DNAH5: variants seen among roughly 807,000 people sequenced by gnomAD.
The protein encoded by DNAH5 is dynein axonemal heavy chain 5.
Under a neutral mutation model 518.2 loss-of-function variants are expected in DNAH5, and 372 were observed. The ratio of observed to expected loss-of-function variants is 0.72; its 90% CI spans 0.66 to 0.78. DNAH5 has a LOEUF of 0.78. DNAH5 is among the 30% of genes least tolerant of loss of function. The pLI is 0.00. For synonymous variants in DNAH5, 2,039 were observed against 2,025.9 expected, an observed-to-expected ratio of 1.01 and a Z score of -0.17; for missense variants, 5,523 against 5,687.0, an observed-to-expected ratio of 0.97 and a Z score of 0.93.
chr5:13,981,059 C>A (rs1272004724), intron 1 of DNAH5, among the ~76,000 whole-genome samples: 2 of 152,228 alleles, frequency 1.3e-5, no homozygotes, highest in Non-Finnish European at 2.9e-5. Context: ...CCACTCTCTG[C>A]AACCTTCTCC....
chr5:13,776,141 T>C (rs1254176607), intron 55 of DNAH5, among the ~76,000 whole-genome samples: 1 of 152,172 alleles, frequency 6.6e-6, no homozygotes, highest in Non-Finnish European at 1.5e-5. Flanking sequence ...GGTTAACATC[T>C]TTTGTCAAGG....
intron 78 of DNAH5, among the ~76,000 whole-genome samples, chr5:13,696,374 C>T (rs1373946): frequency 0.099 from 15,106 of 151,976 alleles, 1,284 homozygotes; most frequent in East Asian, 0.37. Context: ...GTGGCTTTAC[C>T]GTCTTGGTGA....
At position 13,769,622 on chromosome 5, in the gene DNAH5, T is replaced by C. The variant is rs1753043312; in HGVS notation, c.9606-7A>G. On this transcript the variant is annotated splice_polypyrimidine_tract_variant and splice_region_variant and intron_variant, in intron 56 of 78. Transcript: ENST00000265104. ...TTCCAATCCAGTATTCATTCTGGGA[T>C]TGAAAATCCAAGCAAGCAATGTTAA... is the stretch of plus-strand genomic sequence containing the variant. 6.2e-7 allele frequency: 1 copy of C among 1,611,538 alleles called. No individual in the cohort carries two copies.
At chr5:13,828,459 G>C (rs1245149857) in intron 38 of DNAH5, among the ~76,000 whole-genome samples, 1 of 152,144 alleles carries the variant, frequency 6.6e-6, no homozygotes, top group Middle Eastern at 3.2e-3. Context: ...TGGTGGTCAT[G>C]TCCTTATATG....
At chr5:13,972,895 C>A (rs1047106489) in intron 1 of DNAH5, among the ~76,000 whole-genome samples, 1 of 152,106 alleles carries the variant, frequency 6.6e-6, no homozygotes, top group Non-Finnish European at 1.5e-5. Context: ...TTATTTTGCC[C>A]CCCAAAAAAT....
At chr5:13,712,675 A>G (rs1743649689) in intron 75 of DNAH5, among the ~76,000 whole-genome samples, 1 of 152,200 alleles carries the variant, frequency 6.6e-6, no homozygotes, top group Non-Finnish European at 1.5e-5. Flanking sequence ...TGAATAGGCA[A>G]TTCTCAAAAG....
At position 13,739,152 on chromosome 5, in the gene DNAH5, T is replaced by C. The variant is rs186539530; in HGVS notation, c.11212-1657A>G. ...CAGCTTCAGAAATCTACATTCTCAATTGGGTACTCTGGATATGACTCAGTA... is the reference window on the plus strand; with the variant it reads ...CAGCTTCAGAAATCTACATTCTCAACTGGGTACTCTGGATATGACTCAGTA... On this transcript the variant is annotated intron_variant, in intron 65 of 78. Transcript: ENST00000265104. 1.2e-4 allele frequency among the ~76,000 whole-genome samples: 19 copies of C among 152,224 alleles called. No homozygotes were observed. The South Asian group carries it at 2.3e-3, about 18-fold the overall frequency.
At chr5:13,817,911 T>C (rs1400071446) in intron 41 of DNAH5, among the ~76,000 whole-genome samples, 7 of 152,168 alleles carry the variant, frequency 4.6e-5, no homozygotes, top group African/African-American at 1.2e-4. Context: ...TTAGAGAAAA[T>C]TGCATATTGT....
intron 1 of DNAH5, among the ~76,000 whole-genome samples, chr5:13,937,372 G>A (rs879472401): frequency 1.3e-5 from 2 of 151,084 alleles, no homozygotes; most frequent in African/African-American, 2.4e-5. Flanking sequence ...TTTAGTGCCA[G>A]TGTGGACTGG....
chr5:14,008,291 T>TGAGGGAGGGAGGGAGGGAGGAGGGGATG (rs146724289), intron 1 of DNAH5, among the ~76,000 whole-genome samples: 1 of 146,106 alleles, frequency 6.8e-6, no homozygotes, highest in African/African-American at 2.5e-5. Flanking sequence ...GAGGAAGAAA[T>TGAGGGAGGGAGGGAGGGAGGAGGGGATG]GAGGGAGAGA....
intron 1 of DNAH5, among the ~76,000 whole-genome samples, chr5:13,953,964 T>A (rs1780597361): frequency 6.6e-6 from 1 of 152,146 alleles, no homozygotes; most frequent in Non-Finnish European, 1.5e-5. Flanking sequence ...CACCTCGGCC[T>A]CCCAAAGTGC....
chr5:13,949,700 T>A (rs1027577060), intron 1 of DNAH5, among the ~76,000 whole-genome samples: 6 of 152,192 alleles, frequency 3.9e-5, no homozygotes, highest in Non-Finnish European at 7.3e-5. Flanking sequence ...CCAGATGTTA[T>A]CTTGCATAGT....
intron 52 of DNAH5, among the ~76,000 whole-genome samples, chr5:13,784,995 G>A (rs1755763932): frequency 6.6e-6 from 1 of 152,098 alleles, no homozygotes. Context: ...GGGGCTGAGT[G>A]ATGGTTTTGG....
chr5:13,932,040 C>T (rs1778480528), intron 1 of DNAH5: 1 of 152,240 alleles, frequency 6.6e-6, no homozygotes, highest in Non-Finnish European at 1.5e-5. Context: ...TAATACATTA[C>T]CTTTAATGCC....
chr5:13,756,752 A>AT (rs372753762), intron 61 of DNAH5, among the ~76,000 whole-genome samples: 187 of 152,314 alleles, frequency 1.2e-3, no homozygotes, highest in African/African-American at 4.1e-3. Flanking sequence ...GGTTTGTTAT[A>AT]TAAGTAAACT....
Position 13,841,918 on chromosome 5 carries a change from C to CAAAAAA in DNAH5, c.5272-20_5272-15dup, listed in dbSNP as rs35337694. On this transcript the variant is annotated splice_polypyrimidine_tract_variant and intron_variant, in intron 32 of 78. Transcript: ENST00000265104. ...TCGATCATAGATCTATGTTAGAAAC[C>CAAAAAA]AAAAAAAAAAAAAAAAAAAGCTATA... 74 of 592,618 alleles carry CAAAAAA rather than the reference C, an allele frequency of 1.2e-4. 1 individual carries two copies. Among genetic ancestry groups the CAAAAAA allele is most frequent in the South Asian group, 3.6e-4 (17 of 47,712 alleles). The allele number at this position is 592,618 out of a possible 1,614,324, so 36.7% of individuals were successfully genotyped here.
chr5:13,809,551 T>C (rs1760256168), intron 45 of DNAH5, among the ~76,000 whole-genome samples: 1 of 152,180 alleles, frequency 6.6e-6, no homozygotes, highest in Non-Finnish European at 1.5e-5. Flanking sequence ...AGGCAAAAGA[T>C]CCTAGGCTGA....
At chr5:13,705,180 G>A (rs1415523574) in intron 76 of DNAH5, among the ~76,000 whole-genome samples, 1 of 151,984 alleles carries the variant, frequency 6.6e-6, no homozygotes, top group Admixed American at 6.6e-5. Context: ...TTTTTTAGTA[G>A]AGACGGGGTT....
At chr5:13,732,701 C>G (rs1047782556) in intron 68 of DNAH5, among the ~76,000 whole-genome samples, 1 of 152,104 alleles carries the variant, frequency 6.6e-6, no homozygotes, top group African/African-American at 2.4e-5. Flanking sequence ...AATCCCTTAT[C>G]TTGACTCTGC....
Sources: gnomAD v4.1 joint callset for allele counts (sites outside exome capture counted in the v4.1 genomes callset) on GRCh38, gnomAD v4.1.1 for gene constraint, MANE v1.5 for transcripts, NCBI Gene and HGNC (gene_info 2026-07-23, HGNC 2026-07-21) for gene names.